Variants in NPSR1 observed in about 807,000 individuals in gnomAD.
NPSR1 encodes the protein neuropeptide S receptor 1, also known as neuropeptide S receptor.
In NPSR1, 48 loss-of-function variants were observed where a neutral mutation model predicts 46.9. That is an observed-to-expected ratio of 1.02 (90% CI 0.81 to 1.30). The LOEUF (loss-of-function observed/expected upper bound fraction) is 1.30, where lower values mean the gene tolerates loss of function less well. Among genes scored for constraint, NPSR1 ranks in the 50% most tolerant of loss-of-function variants. The pLI, the probability that NPSR1 is intolerant of heterozygous loss-of-function variation, is 0.00. For missense variants in NPSR1, 450 were observed against 449.5 expected (o/e 1.00, Z -0.01); for synonymous variants, 176 against 168.1 (o/e 1.05, Z -0.36).
intron 6 of NPSR1, among the ~76,000 whole-genome samples, chr7:34,840,994 A>G (rs1361589698): frequency 6.6e-6 from 1 of 152,220 alleles, no homozygotes; most frequent in Non-Finnish European, 1.5e-5. Context: ...TATTCAAGCT[A>G]TATTAGTAAA....
In NPSR1 at chr7:34,830,925, T is replaced by C. The variant is rs17170014; in HGVS notation, c.680+3323T>C. On this transcript the variant is annotated intron_variant, in intron 5 of 8. Transcript: ENST00000360581. ...CTCTGGCCCATGTGCATCACTCCCA[T>C]GCCTGAACACTCTGCCAAGCTCACC... 8.1e-4 allele frequency among the ~76,000 whole-genome samples: 124 copies of C among 152,316 alleles called. 1 individual carries two copies. In the East Asian group the frequency reaches 0.019, roughly 23 times the overall value.
chr7:34,705,357 G>A (rs6956005), intron 2 of NPSR1, among the ~76,000 whole-genome samples: 1,662 of 151,448 alleles, frequency 0.011, 29 homozygotes, highest in African/African-American at 0.039. Flanking sequence ...AATCCAGGAG[G>A]TGGAGGTTGC....
intron 7 of NPSR1, among the ~76,000 whole-genome samples, chr7:34,847,181 A>G (rs576579036): frequency 1.2e-3 from 177 of 152,278 alleles, no homozygotes; most frequent in Non-Finnish European, 2.0e-3. Flanking sequence ...AATTCCCAAC[A>G]AGTTACAGAA....
At chr7:34,737,810 TAGGGACATC>T (rs1784750956) in intron 2 of NPSR1, among the ~76,000 whole-genome samples, 1 of 152,166 alleles carries the variant, frequency 6.6e-6, no homozygotes. Context: ...CTTCTGTACT[TAGGGACATC>T]ATCATGTCTT....
chr7:34,691,828 G>A (rs911597816), intron 2 of NPSR1, among the ~76,000 whole-genome samples: 1 of 152,106 alleles, frequency 6.6e-6, no homozygotes, highest in African/African-American at 2.4e-5. Context: ...AAAATCTCTG[G>A]ACTTATTCTG....
chr7:34,732,869 G>A (rs1465617208), intron 2 of NPSR1, among the ~76,000 whole-genome samples: 1 of 152,188 alleles, frequency 6.6e-6, no homozygotes, highest in Non-Finnish European at 1.5e-5. Flanking sequence ...AATTCCTAAT[G>A]ATGGTGGTGG....
At chr7:34,697,287 A>T (rs990498057) in intron 2 of NPSR1, among the ~76,000 whole-genome samples, 14 of 152,010 alleles carry the variant, frequency 9.2e-5, no homozygotes, top group Non-Finnish European at 1.9e-4. Flanking sequence ...GCCTGGATGT[A>T]GTAAAAGTAC....
intron 2 of NPSR1, among the ~76,000 whole-genome samples, chr7:34,715,790 C>A (rs1783531937): frequency 6.6e-6 from 1 of 152,142 alleles, no homozygotes; most frequent in Admixed American, 6.5e-5. Flanking sequence ...TTGTAGCTAG[C>A]CCAGGGGCAC....
chr7:34,809,070 C>T (rs1788851905), intron 3 of NPSR1, among the ~76,000 whole-genome samples: 1 of 152,104 alleles, frequency 6.6e-6, no homozygotes, highest in Non-Finnish European at 1.5e-5. Context: ...GCCCCAAGAT[C>T]CTTATAACCT....
intron 2 of NPSR1, among the ~76,000 whole-genome samples, chr7:34,777,513 C>T (rs1787022710): frequency 6.6e-6 from 1 of 151,028 alleles, no homozygotes; most frequent in Non-Finnish European, 1.5e-5. Flanking sequence ...TTCTTCAGTG[C>T]CTCTTTCAGC....
At chr7:34,689,252 C>T (rs1793095730) in intron 2 of NPSR1, among the ~76,000 whole-genome samples, 1 of 152,182 alleles carries the variant, frequency 6.6e-6, no homozygotes, top group African/African-American at 2.4e-5. Flanking sequence ...GAGTCAGCTG[C>T]AGCTGAACTT....
chr7:34,662,824 C>T (rs1270781128), intron 1 of NPSR1, among the ~76,000 whole-genome samples: 1 of 152,082 alleles, frequency 6.6e-6, no homozygotes, highest in Non-Finnish European at 1.5e-5. Flanking sequence ...GAGGATGGCA[C>T]ACAATTTCCA....
At chr7:34,862,133 A>G (rs1277949437) in intron 8 of NPSR1, among the ~76,000 whole-genome samples, 1 of 151,668 alleles carries the variant, frequency 6.6e-6, no homozygotes, top group Non-Finnish European at 1.5e-5. Context: ...TACTTTGCAA[A>G]CCAAATTTCT....
chr7:34,690,552 G>A lies in NPSR1; in HGVS notation c.280+5868G>A, dbSNP rs111830254. Among the ~76,000 whole-genome samples the A allele has an allele frequency of 6.2e-3, 935 of 151,892 alleles. 7 individuals carry two copies. Among genetic ancestry groups the A allele is most frequent in the African/African-American group, 0.021 (878 of 41,438 alleles). On this transcript the variant is annotated intron_variant, in intron 2 of 8. Transcript: ENST00000360581. Reference sequence around the variant, plus strand: ...TAGATACCACTAAAATAAAAGAAACGGACATTTAAAAATTATTGAAGGAAA... The same window carrying A: ...TAGATACCACTAAAATAAAAGAAACAGACATTTAAAAATTATTGAAGGAAA...
intron 2 of NPSR1, among the ~76,000 whole-genome samples, chr7:34,732,876 G>T (rs1355171706): frequency 6.6e-6 from 1 of 152,192 alleles, no homozygotes; most frequent in Non-Finnish European, 1.5e-5. Context: ...AATGATGGTG[G>T]TGGCCGTTAA....
chr7:34,674,115 C>T (rs1458534), intron 1 of NPSR1, among the ~76,000 whole-genome samples: 18,618 of 152,176 alleles, frequency 0.12, 1,222 homozygotes, highest in Middle Eastern at 0.17. Context: ...GTCCTAGCTT[C>T]AGGCCTCCTT....
Position 34,659,252 on chromosome 7 carries a change from C to T in NPSR1, c.147+693C>T, listed in dbSNP as rs369436877. Among the ~76,000 whole-genome samples, 16 of 152,234 alleles carry T rather than the reference C, an allele frequency of 1.1e-4. No homozygotes were observed. In the East Asian group the frequency reaches 1.9e-3, roughly 18 times the overall value. The stretch of plus-strand genomic sequence containing the variant: ...CAAGATCTTGTGGACAGAAATGAAC[C>T]GCACATTTGGGAAAAGAACAGTTTC... On this transcript the variant is annotated intron_variant, in intron 1 of 8. Transcript: ENST00000360581.
Position 34,684,557 on chromosome 7 carries a change from G to C in NPSR1, c.153G>C (p.Glu51Asp), listed in dbSNP as rs1349643308. ...TTTTTCTCTGTTTCTTGCAGACTGA[G>C]CAATTGATAACTCTGTGGGTCCTCT... Reference protein sequence around the residue: ...WGSFYYSFKTEQLITLWVLFV... With the variant: ...WGSFYYSFKTDQLITLWVLFV... The change falls in exon 2 of 9, where the codon GAG becomes GAC. Residue 51 changes from glutamate (E) to aspartate (D), a missense_variant. By Grantham distance (45) the Glu-to-Asp change is conservative. Transcript: ENST00000360581. 6.2e-7 allele frequency: 1 copy of C among 1,613,270 alleles called. No homozygotes were observed. The highest frequency in any genetic ancestry group is 8.5e-7 in the Non-Finnish European group (1 of 1,179,672).
intron 2 of NPSR1, among the ~76,000 whole-genome samples, chr7:34,687,637 G>T (rs1281965613): frequency 6.6e-6 from 1 of 152,138 alleles, no homozygotes; most frequent in East Asian, 1.9e-4. Context: ...ACCTCCACCT[G>T]GTCCTGCCCT....
Sources: gnomAD v4.1 joint callset for allele counts (sites outside exome capture counted in the v4.1 genomes callset) on GRCh38, gnomAD v4.1.1 for gene constraint, MANE v1.5 for transcripts, NCBI Gene and HGNC (gene_info 2026-07-23, HGNC 2026-07-21) for gene names.